CELF6: variants seen among roughly 807,000 people sequenced by gnomAD.
CELF6 encodes the protein CUGBP Elav-like family member 6, also known as Bruno -like 6, RNA binding protein.
A neutral mutation model predicts 53.1 loss-of-function variants in CELF6; 32 were observed. The observed-to-expected ratio is 0.60, with a 90% CI of 0.46 to 0.81. The LOEUF is 0.81. CELF6 is among the 30% of genes least tolerant of loss of function. The pLI is 0.00. For synonymous variants in CELF6, 291 were observed against 288.8 expected, an observed-to-expected ratio of 1.01 and a Z score of -0.08; for missense variants, 539 against 669.5, an observed-to-expected ratio of 0.81 and a Z score of 2.15.
chr15:72,304,828 G>A lies in CELF6; in HGVS notation c.346-34C>T, dbSNP rs561137188. On this transcript the variant is annotated intron_variant, in intron 2 of 12. Coordinates refer to ENST00000287202, the MANE Select transcript of CELF6 (RefSeq NM_052840.5). ...CATCGGACCAACACACCCATTCAGC[G>A]TGACTGCCTGGTCCTGGAGCCCCCA... 167 of 1,609,970 alleles carry A rather than the reference G, an allele frequency of 1.0e-4. No individual in the cohort carries two copies. The South Asian group carries it at 1.3e-3, about 13-fold the overall frequency.
intron 11 of CELF6, 21 bp from the exon 12 acceptor site, chr15:72,287,413 G>C: frequency 6.2e-7 from 1 of 1,613,392 alleles, no homozygotes; most frequent in Non-Finnish European, 8.5e-7. Flanking sequence ...TGGGCAAAGA[G>C]ATTAGCTGGG....
At chr15:72,301,664 A>G (rs1030288726) in intron 3 of CELF6, among the ~76,000 whole-genome samples, 1 of 152,102 alleles carries the variant, frequency 6.6e-6, no homozygotes, top group Admixed American at 6.5e-5. Context: ...CTTAAATGGG[A>G]CACGCTGTTC....
chr15:72,292,061 G>A, intron 3 of CELF6: 1 of 616,110 alleles, frequency 1.6e-6, no homozygotes, highest in Non-Finnish European at 2.8e-6. Context: ...TAAATATTAG[G>A]ATGAAGCTCA....
chr15:72,292,765 C>T (rs536028382), intron 3 of CELF6, among the ~76,000 whole-genome samples: 9 of 152,348 alleles, frequency 5.9e-5, no homozygotes, highest in East Asian at 1.9e-4. Flanking sequence ...CAGTGGCTCA[C>T]GCCTATAATC....
In CELF6 at chr15:72,287,263, G is replaced by C. The variant is rs2087934117; in HGVS notation, c.*2C>G. The C allele has an allele frequency of 2.5e-6, 4 of 1,613,774 alleles. No individual in the cohort carries two copies. The highest frequency in any genetic ancestry group is 3.4e-6 in the Non-Finnish European group (4 of 1,179,832). On this transcript the variant is annotated 3_prime_UTR_variant, in exon 12 of 13. Transcript: ENST00000287202. ...TTTCTGTGGCTGGTCAGTGAAAGCAGGTCAGTAAGGCCGGTTGGCATCCTT... is the reference window on the plus strand; with the variant it reads ...TTTCTGTGGCTGGTCAGTGAAAGCACGTCAGTAAGGCCGGTTGGCATCCTT...
chr15:72,291,653 A>T (rs774470681), intron 3 of CELF6, among the ~76,000 whole-genome samples: 1 of 152,186 alleles, frequency 6.6e-6, no homozygotes, highest in African/African-American at 2.4e-5. Flanking sequence ...GAAATCTCCA[A>T]CAAGACTATG....
intron 3 of CELF6, among the ~76,000 whole-genome samples, chr15:72,298,247 C>T (rs2959935): frequency 0.032 from 4,811 of 152,210 alleles, 153 homozygotes; most frequent in African/African-American, 0.075. Flanking sequence ...GATGGCTCTG[C>T]TAGTGAGATA....
chr15:72,299,337 T>C (rs1271702350), intron 3 of CELF6, among the ~76,000 whole-genome samples: 1 of 151,766 alleles, frequency 6.6e-6, no homozygotes, highest in East Asian at 1.9e-4. Flanking sequence ...ACACAAATGC[T>C]GAGGGAAAAG....
At chr15:72,307,154 G>A (rs1376711612) in intron 2 of CELF6, among the ~76,000 whole-genome samples, 4 of 152,074 alleles carry the variant, frequency 2.6e-5, no homozygotes, top group African/African-American at 9.7e-5. Flanking sequence ...CTAGAGTGAC[G>A]AGCACACGTG....
intron 3 of CELF6, chr15:72,292,206 T>C: frequency 2.0e-6 from 3 of 1,535,088 alleles, no homozygotes; most frequent in East Asian, 2.4e-5. Context: ...ACCTAGAAGA[T>C]AGAGAACAGA....
chr15:72,294,680 A>G (rs892760381), intron 3 of CELF6, among the ~76,000 whole-genome samples: 5 of 152,188 alleles, frequency 3.3e-5, no homozygotes, highest in Non-Finnish European at 5.9e-5. Flanking sequence ...CTGAAAATGA[A>G]ATGAAGTGAA....
intron 3 of CELF6, 44 bp downstream of exon 3, chr15:72,304,702 C>G: frequency 6.3e-7 from 1 of 1,595,648 alleles, no homozygotes; most frequent in Non-Finnish European, 8.6e-7. Context: ...CCCACCCTCC[C>G]TTACACGGGT....
At chr15:72,314,038 C>A (rs1376056307) in intron 2 of CELF6, among the ~76,000 whole-genome samples, 1 of 152,184 alleles carries the variant, frequency 6.6e-6, no homozygotes, top group African/African-American at 2.4e-5. Flanking sequence ...TGGATCCACA[C>A]CCAGGTCTCT....
In CELF6 at chr15:72,289,114, A is replaced by G; in HGVS notation, c.1030+24T>C. ...CCGCTCCCCACTCCATTTCGGGGGG[A>G]TTTGGGCGGAGCGGGGGGCCCACCT... is the stretch of plus-strand genomic sequence containing the variant. On this transcript the variant is annotated intron_variant, in intron 8 of 12. Transcript: ENST00000287202. The surrounding 1 kb of genome is among the most constrained non-coding windows in gnomAD (Gnocchi z 7.6). 6.7e-7 allele frequency: 1 copy of G among 1,489,994 alleles called. No individual in the cohort carries two copies. Among genetic ancestry groups the G allele is most frequent in the South Asian group, 1.4e-5 (1 of 72,464 alleles). 92.3% of individuals were successfully genotyped at this position (1,489,994 alleles called of 1,614,324 possible).
intron 1 of CELF6, among the ~76,000 whole-genome samples, chr15:72,318,369 A>G (rs1008173162): frequency 6.6e-6 from 1 of 152,190 alleles, no homozygotes; most frequent in Admixed American, 6.5e-5. Context: ...CTCAGTCCTT[A>G]GGAATGTACC....
intron 3 of CELF6, among the ~76,000 whole-genome samples, chr15:72,303,728 G>A (rs2088187087): frequency 6.6e-6 from 1 of 152,168 alleles, no homozygotes; most frequent in Admixed American, 6.5e-5. Flanking sequence ...GATCTAAGAT[G>A]CAAGGGTGAG....
At chr15:72,293,987 A>G (rs2088041813) in intron 3 of CELF6, among the ~76,000 whole-genome samples, 1 of 151,958 alleles carries the variant, frequency 6.6e-6, no homozygotes, top group African/African-American at 2.4e-5. Flanking sequence ...GAGCCACCAC[A>G]CCCAGTCTCA....
At position 72,301,734 on chromosome 15, in the gene CELF6, A is replaced by ATTT. The variant is rs34705032; in HGVS notation, c.394+3009_394+3011dup. On this transcript the variant is annotated intron_variant, in intron 3 of 12. Coordinates refer to ENST00000287202, the MANE Select transcript of CELF6 (RefSeq NM_052840.5). ...AATCCAATACCATTTTAAAAAGTTG[A>ATTT]TTTTTTTTTTTTTTTTTTTTGAGAC... 5.9e-4 allele frequency among the ~76,000 whole-genome samples: 74 copies of ATTT among 125,842 alleles called. 3 individuals are homozygous for ATTT. The highest frequency in any genetic ancestry group is 9.1e-4 in the Non-Finnish European group (57 of 62,584). 82.6% of individuals were successfully genotyped at this position (125,842 alleles called of 152,430 possible).
chr15:72,314,589 G>GTTTT lies in CELF6; in HGVS notation c.345+1252_345+1255dup, dbSNP rs984879836. Among the ~76,000 whole-genome samples the GTTTT allele has an allele frequency of 4.0e-4, 39 of 97,836 alleles. 1 individual carries two copies. The highest frequency in any genetic ancestry group is 5.8e-4 in the Admixed American group (5 of 8,666). 64.2% of individuals were successfully genotyped at this position (97,836 alleles called of 152,430 possible). A position where few individuals can be genotyped will look rare whatever the true frequency, so the allele number is the denominator to read the frequency against. ...AGGTCTGTGAGACTCAAAACCCAGTGTTTTTTTTTTTTTTTTTTTTTTTGA... is the reference window on the plus strand; with the variant it reads ...AGGTCTGTGAGACTCAAAACCCAGTGTTTTTTTTTTTTTTTTTTTTTTTTTTTGA... On this transcript the variant is annotated intron_variant, in intron 2 of 12. Coordinates refer to ENST00000287202, the MANE Select transcript of CELF6 (RefSeq NM_052840.5).
Sources: allele counts gnomAD v4.1 joint callset (sites outside exome capture counted in the v4.1 genomes callset), GRCh38; gene constraint gnomAD v4.1.1; non-coding constraint Gnocchi (gnomAD v3.1); transcripts MANE v1.5; gene names NCBI Gene and HGNC (gene_info 2026-07-23, HGNC 2026-07-21).